CEP89: variants seen among roughly 807,000 people sequenced by gnomAD.
CEP89 encodes centrosomal protein 89, also known as centrosomal protein of 89 kDa.
A neutral mutation model predicts 97.6 loss-of-function variants in CEP89; 95 were observed. That is an observed-to-expected ratio of 0.97 (90% CI 0.82 to 1.15). The LOEUF (loss-of-function observed/expected upper bound fraction) is 1.15. Among genes scored for constraint, CEP89 ranks in the 50% most tolerant of loss-of-function variants. The pLI is 0.00. For missense variants in CEP89, 869 were observed against 947.7 expected (o/e 0.92, Z 1.09); for synonymous variants, 354 against 349.1 (o/e 1.01, Z -0.16).
In CEP89 at chr19:32,887,758, T is replaced by G; in HGVS notation, c.1959A>C (p.Lys653Asn). 6.2e-7 allele frequency: 1 copy of G among 1,604,906 alleles called. No homozygotes were observed. The highest frequency in any genetic ancestry group is 8.5e-7 in the Non-Finnish European group (1 of 1,171,554). Residue 653 changes from lysine to asparagine, a missense_variant, in exon 17 of 19, where the codon AAA (lysine) becomes AAC (asparagine). Physicochemically the swap from Lys to Asn is moderately conservative, Grantham distance 94. Transcript: ENST00000305768. ...SNIRLGKLEE[K>N]VKGYKKQAAL... is the part of the protein sequence containing the mutation. The stretch of plus-strand genomic sequence containing the variant: ...AGGCCAAATAACCACTTACCTTGAC[T>G]TTTTCCTCTAACTTTCCCAGGCGAA...
chr19:32,959,517 C>A (rs1339610502), intron 3 of CEP89, among the ~76,000 whole-genome samples: 1 of 152,168 alleles, frequency 6.6e-6, no homozygotes, highest in Non-Finnish European at 1.5e-5. Flanking sequence ...CAGAGATACA[C>A]GTGAGAGGTA....
intron 5 of CEP89, among the ~76,000 whole-genome samples, chr19:32,940,788 G>A (rs1487400620): frequency 3.3e-5 from 5 of 150,214 alleles, no homozygotes; most frequent in African/African-American, 4.9e-5. Context: ...TTGAGACGGA[G>A]TCTCACTCTG....
In CEP89 at chr19:32,881,848, TCTGCTGCAGCGC is replaced by T. The variant is rs750427112; in HGVS notation, c.2119_2130del (p.Ala707_Gln710del). On this transcript the variant is annotated inframe_deletion, in exon 18 of 19. Transcript: ENST00000305768. ...GGCGCAGGGCGCATGCCCCACCTGT[TCTGCTGCAGCGC>T]CTGGTCCAGCACCTCCTGCTTGTCC... The T allele has an allele frequency of 5.0e-6, 8 of 1,601,192 alleles. No homozygotes were observed. Among genetic ancestry groups the T allele is most frequent in the South Asian group, 1.1e-5 (1 of 89,928 alleles).
intron 12 of CEP89, among the ~76,000 whole-genome samples, chr19:32,920,599 T>C (rs540079852): frequency 1.6e-3 from 238 of 152,236 alleles, no homozygotes; most frequent in African/African-American, 5.3e-3. Flanking sequence ...TTCTCCTGCC[T>C]CAGGCTCCTG....
At chr19:32,950,824 A>G (rs1204721229) in intron 4 of CEP89, among the ~76,000 whole-genome samples, 1 of 152,228 alleles carries the variant, frequency 6.6e-6, no homozygotes, top group East Asian at 1.9e-4. Context: ...GCACGGTTGT[A>G]CAGTAAAATA....
intron 16 of CEP89, among the ~76,000 whole-genome samples, chr19:32,891,354 A>C (rs79645906): frequency 0.15 from 22,319 of 151,008 alleles, 1,904 homozygotes; most frequent in Non-Finnish European, 0.21. Flanking sequence ...CACACACACA[A>C]ACACACACAC....
At chr19:32,950,707 T>G (rs1265170229) in intron 4 of CEP89, among the ~76,000 whole-genome samples, 1 of 152,182 alleles carries the variant, frequency 6.6e-6, no homozygotes, top group Admixed American at 6.5e-5. Flanking sequence ...TACACAAATA[T>G]GTACATCAAG....
rs1480413920 is a variant in CEP89, at chr19:32,935,299, C to T, written c.668-1630G>A. ...GTGCAGTAAACAGAGGTAGCATCCC[C>T]ATGTGGGCCACAGGGAATCTCAGAG... is the stretch of plus-strand genomic sequence containing the variant. On this transcript the variant is annotated intron_variant, in intron 7 of 18. Transcript: ENST00000305768. Among the ~76,000 whole-genome samples, 3 of 152,154 alleles carry T rather than the reference C, an allele frequency of 2.0e-5. No homozygotes were observed. In the South Asian group the frequency reaches 6.2e-4, roughly 32 times the overall value.
rs1969433646 is a variant in CEP89, at chr19:32,887,898, A to G, written c.1876-57T>C. On this transcript the variant is annotated intron_variant, in intron 16 of 18. Transcript: ENST00000305768. ...TTTTACAGAAAAATTGAAATAACAA[A>G]CAATTATTTTGCAAAGAGTGTTACT... is the stretch of plus-strand genomic sequence containing the variant. 4 of 1,032,768 alleles carry G rather than the reference A, an allele frequency of 3.9e-6. No homozygotes were observed. In the Admixed American group the frequency reaches 7.5e-5, roughly 19 times the overall value. 64.0% of individuals were successfully genotyped at this position (1,032,768 alleles called of 1,614,324 possible). A position where few individuals can be genotyped will look rare whatever the true frequency, so the allele number is the denominator to read the frequency against.
chr19:32,881,822 T>A (rs767901750), intron 18 of CEP89, 22 bp downstream of exon 18: 53 of 1,583,396 alleles, frequency 3.3e-5, no homozygotes, highest in Non-Finnish European at 4.1e-5. Context: ...CTGCGGGCCA[T>A]GGCGCAGGGC....
At position 32,899,959 on chromosome 19, in the gene CEP89, C is replaced by T; in HGVS notation, c.1773G>A (p.Val591=). ...ACATTTCGTTCCCCATGGCTTTTTC[C>T]ACCTGCTTTTTGAGGACCTCAATTT... is the stretch of plus-strand genomic sequence containing the variant. ...QKKIEVLKKQ[V]EKAMGNEMSA... The change falls in exon 16 of 19, where the codon GTG becomes GTA. Residue 591 remains valine (V), a synonymous_variant. Coordinates refer to ENST00000305768, the MANE Select transcript of CEP89 (RefSeq NM_032816.5). The T allele has an allele frequency of 1.2e-6, 2 of 1,614,076 alleles. No homozygotes were observed. Among genetic ancestry groups the T allele is most frequent in the East Asian group, 4.5e-5 (2 of 44,870 alleles).
chr19:32,942,450 T>G (rs1970707200), intron 5 of CEP89, among the ~76,000 whole-genome samples: 1 of 152,226 alleles, frequency 6.6e-6, no homozygotes, highest in Non-Finnish European at 1.5e-5. Flanking sequence ...GGAGTTCATT[T>G]TACTAGTCTC....
chr19:32,933,178 G>A lies in CEP89; in HGVS notation c.886+273C>T, dbSNP rs111698324. On this transcript the variant is annotated intron_variant, in intron 8 of 18. Transcript: ENST00000305768. ...GGATAAAAACTGAAGTGAAATATAT[G>A]TAAGCTAAGCATCAAGTTCCAAAAG... Among the ~76,000 whole-genome samples the A allele has an allele frequency of 5.6e-3, 857 of 152,264 alleles. 9 individuals carry two copies. Among genetic ancestry groups the A allele is most frequent in the African/African-American group, 0.019 (798 of 41,544 alleles).
chr19:32,894,655 A>T (rs1969602248), intron 16 of CEP89, among the ~76,000 whole-genome samples: 1 of 152,222 alleles, frequency 6.6e-6, no homozygotes, highest in Non-Finnish European at 1.5e-5. Context: ...CATGTGATAC[A>T]TGTTAGAGCA....
intron 14 of CEP89, among the ~76,000 whole-genome samples, chr19:32,911,869 G>C (rs547549667): frequency 6.6e-6 from 1 of 152,150 alleles, no homozygotes; most frequent in Non-Finnish European, 1.5e-5. Flanking sequence ...TGAGCTGAAA[G>C]GCTCACCGTT....
chr19:32,900,246 ATT>A lies in CEP89; in HGVS notation c.1734-250_1734-249del, dbSNP rs55730702. Reference sequence around the variant, plus strand: ...CAAATGTCTAACAATGAATAGGTTCATTTTTTTTTTTTTTTTTGAGACACAGT... The same window carrying A: ...CAAATGTCTAACAATGAATAGGTTCATTTTTTTTTTTTTTTGAGACACAGT... On this transcript the variant is annotated intron_variant, in intron 15 of 18. Transcript: ENST00000305768. Among the ~76,000 whole-genome samples the A allele has an allele frequency of 2.7e-3, 359 of 133,906 alleles. 1 individual carries two copies. Among genetic ancestry groups the A allele is most frequent in the Admixed American group, 8.4e-3 (109 of 12,990 alleles). 87.8% of individuals were successfully genotyped at this position (133,906 alleles called of 152,430 possible).
intron 16 of CEP89, 115 bp downstream of exon 16, chr19:32,899,742 G>A (rs1032454264): frequency 8.1e-6 from 8 of 985,406 alleles, no homozygotes; most frequent in East Asian, 2.5e-5. Context: ...ACCATCCATC[G>A]TAAGTCAGGG....
At chr19:32,934,349 C>T (rs1970537968) in intron 7 of CEP89, among the ~76,000 whole-genome samples, 1 of 152,190 alleles carries the variant, frequency 6.6e-6, no homozygotes, top group South Asian at 2.1e-4. Flanking sequence ...CACCTGAAGG[C>T]ACCAGGGTGA....
chr19:32,933,090 C>T (rs140518514), intron 8 of CEP89, among the ~76,000 whole-genome samples: 7 of 152,034 alleles, frequency 4.6e-5, no homozygotes, highest in African/African-American at 1.7e-4. Flanking sequence ...ATAAAAGTAG[C>T]AAGGAAAATA....
Sources: gnomAD v4.1 joint callset for allele counts (sites outside exome capture counted in the v4.1 genomes callset) on GRCh38, gnomAD v4.1.1 for gene constraint, MANE v1.5 for transcripts, NCBI Gene and HGNC (gene_info 2026-07-23, HGNC 2026-07-21) for gene names.